BTN3A2: variants seen among roughly 807,000 people sequenced by gnomAD.
The protein encoded by BTN3A2 is butyrophilin subfamily 3 member A2.
A neutral mutation model predicts 37.6 loss-of-function variants in BTN3A2; 25 were observed. That is an observed-to-expected ratio of 0.66 (90% CI 0.48 to 0.93). BTN3A2 has a LOEUF of 0.93. Among genes scored for constraint, BTN3A2 ranks in the 40% least tolerant of loss-of-function variants. The pLI is 0.00. For missense variants in BTN3A2, 266 were observed against 410.9 expected (o/e 0.65, Z 3.05); for synonymous variants, 122 against 159.4 (o/e 0.77, Z 1.77).
At chr6:26,365,425 T>G in intron 1 of BTN3A2, 73 bp downstream of exon 1, 1 of 1,496,632 alleles carries the variant, frequency 6.7e-7, no homozygotes, top group Non-Finnish European at 9.0e-7. Flanking sequence ...CTGAGAGTGG[T>G]GAGTGGGCAT....
At chr6:26,374,444 C>A in intron 9 of BTN3A2, 71 bp downstream of exon 9, 4 of 1,460,250 alleles carry the variant, frequency 2.7e-6, no homozygotes, top group Non-Finnish European at 3.8e-6. Context: ...ATGTTCTCAG[C>A]TGGATTAATT....
At position 26,367,993 on chromosome 6, in the gene BTN3A2, G is replaced by A; in HGVS notation, c.-63G>A. The A allele has an allele frequency of 2.2e-6, 3 of 1,377,256 alleles. No homozygotes were observed. The highest frequency in any genetic ancestry group is 2.5e-5 in the East Asian group (1 of 39,320). The allele number at this position is 1,377,256 out of a possible 1,614,324, so 85.3% of individuals were successfully genotyped here. A position where few individuals can be genotyped will look rare whatever the true frequency, so the allele number is the denominator to read the frequency against. ...ATAACAGATATTATTTTTACAGATG[G>A]TTTTCCATACTGGAACCCAAAGGTA... On this transcript the variant is annotated 5_prime_UTR_variant, in exon 2 of 11. Coordinates refer to ENST00000377708, the MANE Select transcript of BTN3A2 (RefSeq NM_007047.5).
chr6:26,372,364 A>G (rs1760200402), intron 5 of BTN3A2, among the ~76,000 whole-genome samples: 1 of 152,166 alleles, frequency 6.6e-6, no homozygotes, highest in African/African-American at 2.4e-5. Flanking sequence ...AGGTATTATC[A>G]TTACCCTCAT....
intron 5 of BTN3A2, 45 bp from the exon 6 acceptor site, chr6:26,372,852 G>C: frequency 6.2e-7 from 1 of 1,608,620 alleles, no homozygotes; most frequent in Non-Finnish European, 8.5e-7. Context: ...GGCTGGGGAG[G>C]CTGAGCGCAC....
intron 1 of BTN3A2, among the ~76,000 whole-genome samples, chr6:26,367,067 A>G (rs1759582305): frequency 6.6e-6 from 1 of 152,206 alleles, no homozygotes; most frequent in Non-Finnish European, 1.5e-5. Context: ...TTACATATAT[A>G]GTTATGCAGA....
chr6:26,371,672 G>T (rs571391668), intron 5 of BTN3A2, among the ~76,000 whole-genome samples: 33 of 151,674 alleles, frequency 2.2e-4, no homozygotes, highest in Admixed American at 2.0e-3. Context: ...TCTGTTTTTC[G>T]TTGTGTGTGT....
intron 1 of BTN3A2, 91 bp downstream of exon 1, chr6:26,365,443 G>A (rs1348887090): frequency 6.9e-7 from 1 of 1,439,128 alleles, no homozygotes; most frequent in African/African-American, 1.4e-5. Flanking sequence ...CATGCAGGGA[G>A]AGTACTCTCC....
intron 8 of BTN3A2, 175 bp downstream of exon 8, chr6:26,373,588 GAAA>G (rs539931551): frequency 0.014 from 1,982 of 140,662 alleles, 6 homozygotes; most frequent in East Asian, 0.019. Flanking sequence ...TTTCTCTCTA[GAAA>G]AAAAAAAAAA....
chr6:26,368,424 A>C, intron 3 of BTN3A2, 141 bp from the exon 4 acceptor site: 1 of 1,539,298 alleles, frequency 6.5e-7, no homozygotes, highest in Non-Finnish European at 8.9e-7. Context: ...CACCTGTCAC[A>C]AAGAGACAAA....
rs55949951 is a variant in BTN3A2, at chr6:26,365,474, CTGTGTGTGTGTG to C, written c.-67+154_-67+165del. Reference sequence around the variant, plus strand: ...TCTCCCAGAGAAAGGGGTGCAGTGCCTGTGTGTGTGTGTGTGTGTGTGTGTGTGTGTGTGTGT... The same window carrying C: ...TCTCCCAGAGAAAGGGGTGCAGTGCCTGTGTGTGTGTGTGTGTGTGTGTGT... On this transcript the variant is annotated intron_variant, in intron 1 of 10. Coordinates refer to ENST00000377708, the MANE Select transcript of BTN3A2 (RefSeq NM_007047.5). 6.5e-4 allele frequency: 356 copies of C among 550,856 alleles called. 2 individuals carry two copies. The highest frequency in any genetic ancestry group is 1.9e-3 in the African/African-American group (90 of 48,286). The allele number at this position is 550,856 out of a possible 1,614,324, so 34.1% of individuals were successfully genotyped here.
intron 1 of BTN3A2, among the ~76,000 whole-genome samples, chr6:26,365,654 C>T (rs919180601): frequency 6.6e-6 from 1 of 152,050 alleles, no homozygotes; most frequent in Non-Finnish European, 1.5e-5. Flanking sequence ...AAGAAATATT[C>T]CAACTGCATG....
chr6:26,375,568 G>A (rs1760638722), intron 10 of BTN3A2: 2 of 1,416,562 alleles, frequency 1.4e-6, no homozygotes, highest in Admixed American at 2.1e-5. Context: ...GAGCCCAGTG[G>A]CACTGTCCAT....
intron 9 of BTN3A2, 96 bp from the exon 10 acceptor site, chr6:26,374,675 A>G (rs733528): frequency 0.27 from 361,183 of 1,326,676 alleles, 50,699 homozygotes; most frequent in African/African-American, 0.34. Context: ...AAGAGACTCT[A>G]AAGAAAAGGA....
intron 5 of BTN3A2, among the ~76,000 whole-genome samples, chr6:26,370,910 A>G (rs1760046472): frequency 6.6e-6 from 1 of 152,240 alleles, no homozygotes. Flanking sequence ...ATATATTTAC[A>G]AACTCATATC....
rs1339055252 is a variant in BTN3A2 at position 26,373,522 on chromosome 6, C to G, written c.964+109C>G. On this transcript the variant is annotated intron_variant, in intron 8 of 10. Transcript: ENST00000377708. ...CAGGGTTGAAAAGTGGTCTTGGATC[C>G]CTTTACCCAGAAAAAGAAAACAAGT... is the stretch of plus-strand genomic sequence containing the variant. 2.4e-6 allele frequency: 3 copies of G among 1,256,678 alleles called. No individual in the cohort carries two copies. In the African/African-American group the frequency reaches 4.6e-5, roughly 19 times the overall value. 77.8% of individuals were successfully genotyped at this position (1,256,678 alleles called of 1,614,324 possible).
Position 26,372,901 on chromosome 6 carries a change from C to T in BTN3A2, c.720C>T (p.Pro240=). The change falls in exon 6 of 11, where the codon CCC becomes CCT. Residue 240 remains proline (P), a synonymous_variant. Transcript: ENST00000377708. ...CTACAGCTCTCCCCTTCGCAGACCC[C>T]TTCTTCAGGAGCGCCCAGCCCTGGA... ...EKTASISIAD[P]FFRSAQPWIA... The T allele has an allele frequency of 6.2e-7, 1 of 1,613,438 alleles. No homozygotes were observed. The highest frequency in any genetic ancestry group is 2.2e-5 in the East Asian group (1 of 44,892).
chr6:26,374,640 G>C, intron 9 of BTN3A2, 131 bp from the exon 10 acceptor site: 1 of 1,098,370 alleles, frequency 9.1e-7, no homozygotes, highest in Non-Finnish European at 1.3e-6. Context: ...CATCAGAGCT[G>C]TAGAGGAGGG....
Position 26,367,123 on chromosome 6 carries a change from T to C in BTN3A2, c.-66-867T>C, listed in dbSNP as rs187651399. On this transcript the variant is annotated intron_variant, in intron 1 of 10. Coordinates refer to ENST00000377708, the MANE Select transcript of BTN3A2 (RefSeq NM_007047.5). ...TTTTTCAATTGAATCATTAGTATAG[T>C]TCTGCAAGGTGCTTTTTAATCACTT... 3.3e-4 allele frequency among the ~76,000 whole-genome samples: 51 copies of C among 152,322 alleles called. No individual in the cohort carries two copies. In the East Asian group the frequency reaches 9.6e-3, roughly 29 times the overall value.
In BTN3A2 at chr6:26,373,007, GA is replaced by G. The variant is rs1348420162; in HGVS notation, c.829del (p.Ile277Ter). On this transcript the variant is annotated frameshift_variant, in exon 6 of 11. Coordinates refer to ENST00000377708, the MANE Select transcript of BTN3A2 (RefSeq NM_007047.5). LOFTEE classifies it high-confidence loss of function. ...TTACTTCTTGTGGAGACAACAGAAG[GA>G]AATAACTGCTCTGTCCAGTGAGATA... ...ASYFLWRQQK[E>X]ITALSSEIES... 5 of 1,614,130 alleles carry G rather than the reference GA, an allele frequency of 3.1e-6. No individual in the cohort carries two copies. The highest frequency in any genetic ancestry group is 4.2e-6 in the Non-Finnish European group (5 of 1,180,064).
Sources: allele counts gnomAD v4.1 joint callset (sites outside exome capture counted in the v4.1 genomes callset), GRCh38; gene constraint gnomAD v4.1.1; transcripts MANE v1.5; gene names NCBI Gene and HGNC (gene_info 2026-07-23, HGNC 2026-07-21).